Variants in UTRN observed in about 807,000 individuals in gnomAD.
UTRN encodes the protein dystrophin-related protein 1.
UTRN carries 283 observed loss-of-function variants against 463.9 expected under a neutral mutation model. The observed-to-expected ratio is 0.61, with a 90% CI of 0.55 to 0.67. The LOEUF (loss-of-function observed/expected upper bound fraction) is 0.67, where lower values mean the gene tolerates loss of function less well. Among genes scored for constraint, UTRN ranks in the 30% least tolerant of loss-of-function variants. UTRN has a pLI of 0.00. For missense variants in UTRN, 3,922 were observed against 4,084.3 expected (o/e 0.96, Z 1.08); for synonymous variants, 1,442 against 1,431.5 (o/e 1.01, Z -0.17).
At chr6:144,617,237 G>C (rs570949304) in intron 51 of UTRN, among the ~76,000 whole-genome samples, 3 of 151,996 alleles carry the variant, frequency 2.0e-5, no homozygotes, top group Non-Finnish European at 4.4e-5. Context: ...CCATCACTCT[G>C]GTGAGCAAAA....
rs1428641511 is a variant in UTRN at position 144,690,072 on chromosome 6, C to CTATTTTTTTT, written c.7653-10014_7653-10013insATTTTTTTTT. ...GGGGCCATAGAGCTCCCAAAAGTTT[C>CTATTTTTTTT]TGTTTTTTTTTTTTTTTTTTTTTTG... On this transcript the variant is annotated intron_variant, in intron 52 of 74. Transcript: ENST00000367545. 2.0e-4 allele frequency among the ~76,000 whole-genome samples: 7 copies of CTATTTTTTTT among 35,660 alleles called. 1 individual carries two copies. Among genetic ancestry groups the CTATTTTTTTT allele is most frequent in the South Asian group, 1.4e-3 (1 of 698 alleles). The allele number at this position is 35,660 out of a possible 152,430, so 23.4% of individuals were successfully genotyped here.
intron 51 of UTRN, among the ~76,000 whole-genome samples, chr6:144,676,934 AGAG>A (rs1304379810): frequency 6.6e-6 from 1 of 152,182 alleles, no homozygotes; most frequent in Non-Finnish European, 1.5e-5. Flanking sequence ...CGGGAGAGTA[AGAG>A]TCTGTTGGAT....
At chr6:144,363,828 T>C (rs1584452655) in intron 2 of UTRN, among the ~76,000 whole-genome samples, 1 of 152,086 alleles carries the variant, frequency 6.6e-6, no homozygotes, top group African/African-American at 2.4e-5. Flanking sequence ...ATGTTCCAGG[T>C]AGAGGGCACA....
At chr6:144,496,511 G>A (rs534639438) in intron 33 of UTRN, among the ~76,000 whole-genome samples, 1 of 152,236 alleles carries the variant, frequency 6.6e-6, no homozygotes, top group South Asian at 2.1e-4. Context: ...GAATGGTATT[G>A]CTGGTTTTTG....
At chr6:144,803,293 G>T (rs868432352) in intron 65 of UTRN, 146 bp downstream of exon 65, 15 of 444,600 alleles carry the variant, frequency 3.4e-5, no homozygotes, top group Middle Eastern at 6.4e-4. Flanking sequence ...ACTCATTTAT[G>T]TTGAATTAAT....
chr6:144,839,378 G>A (rs1038543571), intron 72 of UTRN, 94 bp downstream of exon 72: 8 of 983,610 alleles, frequency 8.1e-6, no homozygotes, highest in Non-Finnish European at 1.2e-5. Flanking sequence ...CTACACACTG[G>A]TGCCTTAGGA....
chr6:144,759,383 A>G (rs1293468924), intron 58 of UTRN, among the ~76,000 whole-genome samples: 1 of 152,184 alleles, frequency 6.6e-6, no homozygotes, highest in Non-Finnish European at 1.5e-5. Context: ...TAGTAATAGT[A>G]TTAGAGAACT....
intron 65 of UTRN, among the ~76,000 whole-genome samples, chr6:144,804,444 A>G (rs1258847675): frequency 6.6e-6 from 1 of 152,226 alleles, no homozygotes; most frequent in Non-Finnish European, 1.5e-5. Context: ...TGTCAAAGAT[A>G]AGCAAAACCA....
chr6:144,523,274 A>C (rs1392316437), intron 41 of UTRN, 86 bp downstream of exon 41: 2 of 1,073,940 alleles, frequency 1.9e-6, no homozygotes, highest in Non-Finnish European at 2.5e-6. Context: ...CACTGAGATT[A>C]ATGAGAACAT....
intron 51 of UTRN, among the ~76,000 whole-genome samples, chr6:144,667,255 A>G (rs1361545013): frequency 6.6e-6 from 1 of 151,994 alleles, no homozygotes; most frequent in Non-Finnish European, 1.5e-5. Context: ...TGGGATTTTC[A>G]TCCTGTTGGC....
chr6:144,440,232 A>T, intron 12 of UTRN, 120 bp from the exon 13 acceptor site: 1 of 985,974 alleles, frequency 1.0e-6, no homozygotes, highest in East Asian at 2.6e-5. Flanking sequence ...TAGGGTAATG[A>T]TTGGAAATTT....
chr6:144,572,095 C>T (rs562531823), intron 50 of UTRN, among the ~76,000 whole-genome samples: 2 of 152,124 alleles, frequency 1.3e-5, no homozygotes, highest in African/African-American at 4.8e-5. Context: ...TGAGTGTATC[C>T]TTTGTAAGTT....
intron 52 of UTRN, among the ~76,000 whole-genome samples, chr6:144,679,524 C>G (rs1176111599): frequency 6.6e-6 from 1 of 152,156 alleles, no homozygotes; most frequent in Admixed American, 6.6e-5. Flanking sequence ...TGATCTTGAA[C>G]AAACTACTCA....
chr6:144,714,039 A>G (rs1786089185), intron 53 of UTRN, among the ~76,000 whole-genome samples: 2 of 151,600 alleles, frequency 1.3e-5, no homozygotes, highest in African/African-American at 4.9e-5. Context: ...ATTATTTTTT[A>G]TGTCACTGGG....
chr6:144,776,000 A>G (rs1016101507), intron 60 of UTRN, among the ~76,000 whole-genome samples: 2 of 152,168 alleles, frequency 1.3e-5, no homozygotes, highest in African/African-American at 4.8e-5. Flanking sequence ...ATTGTATTGG[A>G]TTTCAAGTAT....
intron 50 of UTRN, among the ~76,000 whole-genome samples, chr6:144,558,118 A>C (rs1304656944): frequency 6.6e-6 from 1 of 152,222 alleles, no homozygotes; most frequent in African/African-American, 2.4e-5. Context: ...TGGGTATTAG[A>C]GCACTTTATA....
At chr6:144,492,776 G>C (rs1283164698) in intron 32 of UTRN, among the ~76,000 whole-genome samples, 1 of 152,052 alleles carries the variant, frequency 6.6e-6, no homozygotes, top group Non-Finnish European at 1.5e-5. Context: ...TTTACTTATA[G>C]TTATATACAT....
chr6:144,342,938 G>A (rs1562270219), intron 2 of UTRN, among the ~76,000 whole-genome samples: 1 of 152,142 alleles, frequency 6.6e-6, no homozygotes, highest in African/African-American at 2.4e-5. Context: ...GACAGGTGAA[G>A]TCAGCCCGTC....
chr6:144,451,490 G>T lies in UTRN; in HGVS notation c.2193G>T (p.Leu731Phe), dbSNP rs781508086. 3 of 1,609,060 alleles carry T rather than the reference G, an allele frequency of 1.9e-6. No individual in the cohort carries two copies. The highest frequency in any genetic ancestry group is 2.5e-6 in the Non-Finnish European group (3 of 1,178,692). Residue 731 changes from leucine to phenylalanine, a missense_variant, in exon 18 of 75, where the codon TTG becomes TTT. Physicochemically the swap from Leu to Phe is conservative, Grantham distance 22. This residue lies in a region of UTRN where 2,349 missense variants were observed against 2,303.8 expected (regional missense o/e 1.02). Transcript: ENST00000367545. ...MQDTSEMKKKLKALEKEQRER... is the reference protein window; with the variant it reads ...MQDTSEMKKKFKALEKEQRER... ...ACACTTCCGAAATGAAAAAGAAGTT[G>T]AAGGTAAAAAACATAAACCACATAT...
Sources: allele counts gnomAD v4.1 joint callset (sites outside exome capture counted in the v4.1 genomes callset), GRCh38; gene constraint gnomAD v4.1.1; regional missense constraint gnomAD v4.1.1; transcripts MANE v1.5; gene names NCBI Gene and HGNC (gene_info 2026-07-23, HGNC 2026-07-21).